The following HOOK2 variants were observed in gnomAD, a reference collection of about 807,000 sequenced individuals.
The protein encoded by HOOK2 is hook microtubule tethering protein 2.
HOOK2 carries 108 observed loss-of-function variants against 111.9 expected under a neutral mutation model. The ratio of observed to expected loss-of-function variants is 0.96; its 90% CI spans 0.83 to 1.13. HOOK2 has a LOEUF of 1.13. Ranked by LOEUF, HOOK2 falls within the 50% of genes most tolerant of loss-of-function variation. The pLI, the probability that HOOK2 is intolerant of heterozygous loss-of-function variation, is 0.00. For synonymous variants in HOOK2, 405 were observed against 394.3 expected (o/e 1.03, Z -0.32); for missense variants, 978 against 951.3 (o/e 1.03, Z -0.37).
rs867751023 is a variant in HOOK2 at position 12,774,843 on chromosome 19, C to T, written c.100G>A (p.Gly34Ser). The T allele has an allele frequency of 1.9e-6, 3 of 1,614,038 alleles. No individual in the cohort carries two copies. The East Asian group carries it at 6.7e-5, about 36-fold the overall frequency. Reference protein sequence around the residue: ...PCASPQDLSSGLAVAYVLNQI... With the variant: ...PCASPQDLSSSLAVAYVLNQI... ...TTCAGCACATAGGCTACGGCAAGGC[C>T]GCTGCTCAGGTCCTGAGGGCTGGCA... The change falls in exon 2 of 23, where the codon GGC becomes AGC. Residue 34 changes from glycine to serine, a missense_variant. Coordinates refer to ENST00000397668, the MANE Select transcript of HOOK2 (RefSeq NM_013312.3).
At chr19:12,784,180 T>G (rs1295074540) in intron 3 of HOOK2, among the ~76,000 whole-genome samples, 1 of 151,880 alleles carries the variant, frequency 6.6e-6, no homozygotes. Context: ...AGACATTGAC[T>G]GGGGGCAGAG....
upstream of HOOK2, among the ~76,000 whole-genome samples, chr19:12,777,376 A>C (rs1047395550): frequency 6.6e-6 from 1 of 151,646 alleles, no homozygotes; most frequent in Non-Finnish European, 1.5e-5. Context: ...GCTACTCCAG[A>C]GGCTGAGGTG....
At position 12,786,831 on chromosome 19, in the gene HOOK2, C is replaced by T. The variant is rs1486194852; in HGVS notation, n.42-12606G>A. 6.6e-6 allele frequency among the ~76,000 whole-genome samples: 1 copy of T among 152,180 alleles called. No individual in the cohort carries two copies. Among genetic ancestry groups the T allele is most frequent in the African/African-American group, 2.4e-5 (1 of 41,446 alleles). ...ACATGCTGGCCTGTCCACAGAGACCCGTGCCCCTCTGTCTGTGCCCCACCA... is the reference window on the plus strand; with the variant it reads ...ACATGCTGGCCTGTCCACAGAGACCTGTGCCCCTCTGTCTGTGCCCCACCA... On this transcript the variant is annotated intron_variant and non_coding_transcript_variant, in intron 3 of 3. Transcript: ENST00000589765. This position sits in a 1 kb window ranked among gnomAD's most constrained non-coding sequence, Gnocchi z 4.3.
In HOOK2 at chr19:12,764,869, G is replaced by A; in HGVS notation, c.1772C>T (p.Ala591Val). The change falls in exon 20 of 23, where the codon GCG becomes GTG. Residue 591 changes from alanine to valine, a missense_variant. Ala to Val is a moderately conservative substitution (Grantham distance 64). This residue lies in a region of HOOK2 where 277 missense variants were observed against 265.8 expected (regional missense o/e 1.04). Coordinates refer to ENST00000397668, the MANE Select transcript of HOOK2 (RefSeq NM_013312.3). ...TCGCTCCTCCATGGCCCGCAAGTCC[G>A]CGTCCTTCTTCTGCAAGTTATGCTG... ...ELQHNLQKKD[A>V]DLRAMEERYR... 4.3e-6 allele frequency: 7 copies of A among 1,614,066 alleles called. No homozygotes were observed. The highest frequency in any genetic ancestry group is 5.1e-6 in the Non-Finnish European group (6 of 1,180,030).
chr19:12,787,874 G>C (rs1203983271), intron 3 of HOOK2, among the ~76,000 whole-genome samples: 1 of 151,604 alleles, frequency 6.6e-6, no homozygotes, highest in Non-Finnish European at 1.5e-5. Flanking sequence ...GACCAATATG[G>C]TGAAACCCCG....
chr19:12,767,764 C>T (rs1449385950), intron 13 of HOOK2, 52 bp downstream of exon 13: 1 of 1,534,224 alleles, frequency 6.5e-7, no homozygotes, highest in Non-Finnish European at 8.9e-7. Context: ...ACCTGTTCTA[C>T]CCAAACAGTA....
intron 3 of HOOK2, chr19:12,774,111 TTTC>T (rs989337967): frequency 7.2e-5 from 11 of 153,700 alleles, no homozygotes; most frequent in South Asian, 1.9e-4. Flanking sequence ...TTTTTCTTTT[TTTC>T]TTCTTCTTGA....
Position 12,775,333 on chromosome 19 carries a change from C to T in HOOK2, c.45+72G>A, listed in dbSNP as rs145535755. On this transcript the variant is annotated intron_variant, in intron 1 of 22. Coordinates refer to ENST00000397668, the MANE Select transcript of HOOK2 (RefSeq NM_013312.3). Reference sequence around the variant, plus strand: ...CCAGCCCCAGCACCAAGAGACTGACCGAACCAGGGCCAGGGATCCCGGGCA... The same window carrying T: ...CCAGCCCCAGCACCAAGAGACTGACTGAACCAGGGCCAGGGATCCCGGGCA... The T allele has an allele frequency of 6.5e-4, 1,027 of 1,571,602 alleles. 6 individuals are homozygous for T. The African/African-American group carries it at 0.012, about 19-fold the overall frequency.
At chr19:12,787,195 C>G (rs986238152) in intron 3 of HOOK2, 1 of 152,370 alleles carries the variant, frequency 6.6e-6, no homozygotes, top group African/African-American at 2.4e-5. Context: ...AGTCCAGTGT[C>G]AAGATCATGG....
chr19:12,767,929 C>A, intron 12 of HOOK2, 26 bp from the exon 13 acceptor site: 1 of 1,611,352 alleles, frequency 6.2e-7, no homozygotes, highest in South Asian at 1.1e-5. Context: ...ACAAGACACT[C>A]CACGGGTCAG....
upstream of HOOK2, among the ~76,000 whole-genome samples, chr19:12,782,616 G>T (rs1175750819): frequency 6.6e-6 from 1 of 152,202 alleles, no homozygotes; most frequent in Non-Finnish European, 1.5e-5. Flanking sequence ...GCAAGCGCGG[G>T]GGGTGGAAGG....
At position 12,791,934 on chromosome 19, in the gene HOOK2, G is replaced by A; in HGVS notation, n.42-17709C>T. 1 of 1,612,038 alleles carries A rather than the reference G, an allele frequency of 6.2e-7. No homozygotes were observed. Among genetic ancestry groups the A allele is most frequent in the South Asian group, 1.1e-5 (1 of 91,032 alleles). ...CTACCGGAGTCTCAAAGCGCCTGGG[G>A]CTCGCGGACCCGGCCCAGAGGGCGG... On this transcript the variant is annotated intron_variant and non_coding_transcript_variant, in intron 3 of 3. Transcript: ENST00000589765. The surrounding 1 kb of genome is among the most constrained non-coding windows in gnomAD (Gnocchi z 7.0).
At chr19:12,778,790 G>A (rs536103145), upstream of HOOK2, among the ~76,000 whole-genome samples, 155 of 152,308 alleles carry the variant, frequency 1.0e-3, no homozygotes, top group Non-Finnish European at 1.6e-3. Flanking sequence ...GGGGAGCCAG[G>A]AGTCCCCAGA....
chr19:12,765,745 G>A, intron 17 of HOOK2, 21 bp from the exon 18 acceptor site: 2 of 1,614,198 alleles, frequency 1.2e-6, no homozygotes, highest in Non-Finnish European at 8.5e-7. Flanking sequence ...GAAGAGGCAA[G>A]GTGAGTGGGG....
Position 12,790,563 on chromosome 19 carries a change from C to T in HOOK2, n.42-16338G>A, listed in dbSNP as rs1968702490. On this transcript the variant is annotated intron_variant and non_coding_transcript_variant, in intron 3 of 3. Transcript: ENST00000589765. The surrounding 1 kb of genome is among the most constrained non-coding windows in gnomAD (Gnocchi z 7.2). ...CGTGGAAGATCCAGCAGTCCTGGTG[C>T]GCGGGACCCTCAAGGCCCCCTCCTC... Among the ~76,000 whole-genome samples the T allele has an allele frequency of 6.6e-6, 1 of 152,130 alleles. No homozygotes were observed. The highest frequency in any genetic ancestry group is 2.1e-4 in the South Asian group (1 of 4,828).
intron 10 of HOOK2, 102 bp from the exon 11 acceptor site, chr19:12,770,184 CT>C: frequency 1.9e-6 from 2 of 1,071,708 alleles, no homozygotes; most frequent in Non-Finnish European, 2.5e-6. Context: ...CAGCCTGAGG[CT>C]TTTGGGTTCA....
At chr19:12,773,631 T>C (rs1968404605) in intron 3 of HOOK2, among the ~76,000 whole-genome samples, 1 of 152,104 alleles carries the variant, frequency 6.6e-6, no homozygotes, top group African/African-American at 2.4e-5. Flanking sequence ...TACCCATCCA[T>C]CTTTACCTCT....
chr19:12,764,596 G>A, intron 20 of HOOK2: 1 of 576,042 alleles, frequency 1.7e-6, no homozygotes, highest in Non-Finnish European at 3.1e-6. Flanking sequence ...CCAAAGTGCT[G>A]GGATTACAGC....
In HOOK2 at chr19:12,772,212, G is replaced by A. The variant is rs145148176; in HGVS notation, c.497C>T (p.Thr166Met). Reference protein sequence around the residue: ...KDTPDSLSPETYGNFDSQSRR... With the variant: ...KDTPDSLSPEMYGNFDSQSRR... ...TACCTGGCTGTCAAAGTTGCCATAC[G>A]TCTCTGGTGACAGGGAGTCAGGAGT... is the stretch of plus-strand genomic sequence containing the variant. The change falls in exon 7 of 23, where the codon ACG becomes ATG. Residue 166 changes from threonine to methionine, a missense_variant. By Grantham distance (81) the Thr-to-Met change is moderately conservative. Coordinates refer to ENST00000397668, the MANE Select transcript of HOOK2 (RefSeq NM_013312.3). 717 of 1,613,814 alleles carry A rather than the reference G, an allele frequency of 4.4e-4. 3 individuals carry two copies. The African/African-American group carries it at 7.3e-3, about 16-fold the overall frequency.
Sources: gnomAD v4.1 joint callset for allele counts (sites outside exome capture counted in the v4.1 genomes callset) on GRCh38, gnomAD v4.1.1 for gene constraint, gnomAD v4.1.1 regional missense constraint, Gnocchi (gnomAD v3.1) non-coding constraint, MANE v1.5 for transcripts, NCBI Gene and HGNC (gene_info 2026-07-23, HGNC 2026-07-21) for gene names.